Variants in DNAH11 observed in about 807,000 individuals in gnomAD.
DNAH11 encodes the protein axonemal beta dynein heavy chain 11.
A neutral mutation model predicts 526.0 loss-of-function variants in DNAH11; 442 were observed. The observed-to-expected ratio is 0.84, with a 90% CI of 0.78 to 0.91. The LOEUF is 0.91. Ranked by LOEUF, DNAH11 falls within the 40% of genes least tolerant of loss-of-function variation. The pLI is 0.00. For missense variants in DNAH11, 6,989 were observed against 5,448.7 expected (o/e 1.28, Z -8.90); for synonymous variants, 2,461 against 1,935.9 (o/e 1.27, Z -7.12).
intron 65 of DNAH11, among the ~76,000 whole-genome samples, chr7:21,821,298 T>A (rs1790039191): frequency 6.6e-6 from 1 of 152,120 alleles, no homozygotes; most frequent in African/African-American, 2.4e-5. Flanking sequence ...CAGTTGGATA[T>A]CTGAGTATGG....
chr7:21,621,715 C>T (rs991764943), intron 25 of DNAH11, among the ~76,000 whole-genome samples: 1 of 151,946 alleles, frequency 6.6e-6, no homozygotes, highest in Non-Finnish European at 1.5e-5. Context: ...GAACCAAAGA[C>T]AAAAACCACA....
At chr7:21,564,029 C>T (rs1043359862) in intron 5 of DNAH11, among the ~76,000 whole-genome samples, 157 bp from the exon 6 acceptor site, 1 of 151,560 alleles carries the variant, frequency 6.6e-6, no homozygotes, top group Non-Finnish European at 1.5e-5. Flanking sequence ...CCAAATTGCT[C>T]GTGTGTAGAT....
At chr7:21,743,216 T>C (rs1049148775) in intron 49 of DNAH11, among the ~76,000 whole-genome samples, 1 of 152,250 alleles carries the variant, frequency 6.6e-6, no homozygotes, top group African/African-American at 2.4e-5. Flanking sequence ...GAGTGAGTGC[T>C]TACTGTTTTG....
At chr7:21,779,484 G>A (rs534878847) in intron 57 of DNAH11, among the ~76,000 whole-genome samples, 20 of 152,218 alleles carry the variant, frequency 1.3e-4, no homozygotes, top group South Asian at 6.2e-4. Flanking sequence ...AGCCCATTCC[G>A]TCACTTTGCA....
At chr7:21,801,001 C>A in intron 61 of DNAH11, 136 bp from the exon 62 acceptor site, 3 of 855,674 alleles carry the variant, frequency 3.5e-6, no homozygotes, top group Non-Finnish European at 5.6e-6. Context: ...CCCTAAAATA[C>A]GTATGGTAAA....
intron 6 of DNAH11, among the ~76,000 whole-genome samples, chr7:21,568,105 G>A (rs1020137039): frequency 1.1e-4 from 17 of 152,220 alleles, no homozygotes; most frequent in African/African-American, 3.9e-4. Context: ...CAAAAGAATA[G>A]AGAAGCAGCA....
Position 21,852,500 on chromosome 7 carries a change from A to AT in DNAH11, c.10932dup (p.Glu3645Ter). On this transcript the variant is annotated frameshift_variant, in exon 67 of 82. Coordinates refer to ENST00000409508, the MANE Select transcript of DNAH11 (RefSeq NM_001277115.2). LOFTEE classifies it high-confidence loss of function. The stretch of plus-strand genomic sequence containing the variant: ...GACAAAGCACCAAAATGATTTTAAA[A>AT]TTGAGCTCAAGTATCTGGAAGACGA... 1 of 1,613,762 alleles carries AT rather than the reference A, an allele frequency of 6.2e-7. No individual in the cohort carries two copies. Among genetic ancestry groups the AT allele is most frequent in the Non-Finnish European group, 8.5e-7 (1 of 1,179,806 alleles).
At chr7:21,705,614 C>A in intron 39 of DNAH11, 77 bp downstream of exon 39, 2 of 1,428,728 alleles carry the variant, frequency 1.4e-6, no homozygotes, top group Non-Finnish European at 1.9e-6. Context: ...ATTTTCAATG[C>A]TACTCAAAAG....
intron 65 of DNAH11, among the ~76,000 whole-genome samples, chr7:21,824,330 C>T (rs1009535314): frequency 6.6e-6 from 1 of 152,094 alleles, no homozygotes; most frequent in Admixed American, 6.6e-5. Flanking sequence ...ACAATTCTGC[C>T]TCCACTTCCA....
At chr7:21,710,384 A>G (rs937286259) in intron 40 of DNAH11, among the ~76,000 whole-genome samples, 169 bp from the exon 41 acceptor site, 1 of 152,166 alleles carries the variant, frequency 6.6e-6, no homozygotes. Flanking sequence ...ACACGTTGGT[A>G]AATAATAGAG....
intron 54 of DNAH11, among the ~76,000 whole-genome samples, chr7:21,751,800 A>G (rs969950878): frequency 1.3e-5 from 2 of 152,220 alleles, no homozygotes; most frequent in Non-Finnish European, 2.9e-5. Flanking sequence ...TCAGTTGCCC[A>G]AAGAGCTTTT....
At chr7:21,621,712 A>T (rs1410085642) in intron 25 of DNAH11, among the ~76,000 whole-genome samples, 1 of 152,014 alleles carries the variant, frequency 6.6e-6, no homozygotes, top group Non-Finnish European at 1.5e-5. Flanking sequence ...ACAGAACCAA[A>T]GACAAAAACC....
chr7:21,805,050 C>G (rs372971095), intron 62 of DNAH11, among the ~76,000 whole-genome samples: 4 of 152,144 alleles, frequency 2.6e-5, no homozygotes, highest in East Asian at 1.9e-4. Flanking sequence ...CCCAGGCAGT[C>G]ACATCACTGG....
In DNAH11 at chr7:21,856,958, C is replaced by T. The variant is rs551122985; in HGVS notation, c.11202+2503C>T. Among the ~76,000 whole-genome samples, 11 of 152,258 alleles carry T rather than the reference C, an allele frequency of 7.2e-5. 1 individual carries two copies. The South Asian group carries it at 2.3e-3, about 32-fold the overall frequency. On this transcript the variant is annotated intron_variant, in intron 68 of 81. Coordinates refer to ENST00000409508, the MANE Select transcript of DNAH11 (RefSeq NM_001277115.2). ...TCTTTCTCTCAGCACATCTATTCAG[C>T]GCTGCACTGGAAGTTATAGTCGGTA...
intron 28 of DNAH11, among the ~76,000 whole-genome samples, chr7:21,639,641 G>T (rs1407524321): frequency 6.6e-6 from 1 of 152,154 alleles, no homozygotes; most frequent in African/African-American, 2.4e-5. Flanking sequence ...ATACTATCTT[G>T]TGTAATCTGA....
At chr7:21,609,814 A>T (rs1785444425) in intron 20 of DNAH11, among the ~76,000 whole-genome samples, 1 of 152,220 alleles carries the variant, frequency 6.6e-6, no homozygotes, top group Non-Finnish European at 1.5e-5. Context: ...GTCTAGAACT[A>T]TGAGATTGAG....
At chr7:21,775,609 C>G (rs1330768332) in intron 56 of DNAH11, among the ~76,000 whole-genome samples, 1 of 47,896 alleles carries the variant, frequency 2.1e-5, no homozygotes, top group Non-Finnish European at 4.1e-5. Flanking sequence ...GAGTGAGACC[C>G]TGTCTCAAAA....
In DNAH11 at chr7:21,745,080, C is replaced by T. The variant is rs374586159; in HGVS notation, c.8510+17C>T. 1.1e-5 allele frequency: 17 copies of T among 1,590,342 alleles called. No individual in the cohort carries two copies. Among genetic ancestry groups the T allele is most frequent in the East Asian group, 4.5e-5 (2 of 44,138 alleles). ...GCAACATGTGTGAGTTAACTAGTCACGATGCTTTTCCACAAAAGGAAGAAT... is the reference window on the plus strand; with the variant it reads ...GCAACATGTGTGAGTTAACTAGTCATGATGCTTTTCCACAAAAGGAAGAAT... On this transcript the variant is annotated intron_variant, in intron 51 of 81. Transcript: ENST00000409508.
intron 45 of DNAH11, among the ~76,000 whole-genome samples, chr7:21,730,416 G>A (rs1785328286): frequency 6.6e-6 from 1 of 152,216 alleles, no homozygotes; most frequent in South Asian, 2.1e-4. Flanking sequence ...CAACCAGTAA[G>A]TATAATGCAA....
Sources: gnomAD v4.1 joint callset for allele counts (sites outside exome capture counted in the v4.1 genomes callset) on GRCh38, gnomAD v4.1.1 for gene constraint, MANE v1.5 for transcripts, NCBI Gene and HGNC (gene_info 2026-07-23, HGNC 2026-07-21) for gene names.